Variants in COL25A1 observed in about 807,000 individuals in gnomAD.
COL25A1 encodes collagen type XXV alpha 1 chain.
In COL25A1, 103 loss-of-function variants were observed where a neutral mutation model predicts 128.4. The ratio of observed to expected loss-of-function variants is 0.80; its 90% CI spans 0.68 to 0.94. COL25A1 has a LOEUF of 0.94. Ranked by LOEUF, COL25A1 falls within the 40% of genes least tolerant of loss-of-function variation. The pLI is 0.00. For synonymous variants in COL25A1, 279 were observed against 277.2 expected (o/e 1.01, Z -0.06); for missense variants, 745 against 840.0 (o/e 0.89, Z 1.40).
intron 30 of COL25A1, among the ~76,000 whole-genome samples, chr4:108,844,084 A>G (rs1734786302): frequency 6.6e-6 from 1 of 151,978 alleles, no homozygotes; most frequent in Non-Finnish European, 1.5e-5. Context: ...GTAGAGATGG[A>G]GTTTTGCCAT....
intron 16 of COL25A1, among the ~76,000 whole-genome samples, chr4:108,894,602 T>C (rs1453394565): frequency 6.6e-6 from 1 of 152,238 alleles, no homozygotes; most frequent in Non-Finnish European, 1.5e-5. Context: ...GTATTGTCTA[T>C]GGTTGCTTTC....
chr4:109,291,335 T>A (rs2126285111), intron 3 of COL25A1, among the ~76,000 whole-genome samples: 1 of 152,264 alleles, frequency 6.6e-6, no homozygotes, highest in South Asian at 2.1e-4. Context: ...ATCCTGTTAA[T>A]TCCTAGAGAC....
intron 5 of COL25A1, among the ~76,000 whole-genome samples, chr4:109,015,123 G>T (rs1232201084): frequency 6.6e-6 from 1 of 152,220 alleles, no homozygotes; most frequent in Non-Finnish European, 1.5e-5. Flanking sequence ...GAGCAGGAGA[G>T]TGTCTCAGAA....
intron 13 of COL25A1, among the ~76,000 whole-genome samples, chr4:108,903,730 G>A (rs994829393): frequency 2.0e-5 from 3 of 151,910 alleles, no homozygotes; most frequent in Non-Finnish European, 4.4e-5. Context: ...AAATTTTATA[G>A]GCATTGCTTT....
chr4:108,858,539 A>G (rs1392851393), intron 24 of COL25A1, among the ~76,000 whole-genome samples: 1 of 152,174 alleles, frequency 6.6e-6, no homozygotes, highest in African/African-American at 2.4e-5. Context: ...CCGGTCACTT[A>G]AAAAAGGGAC....
chr4:109,196,107 T>C (rs116766204), intron 3 of COL25A1, among the ~76,000 whole-genome samples: 2 of 152,186 alleles, frequency 1.3e-5, no homozygotes, highest in Non-Finnish European at 2.9e-5. Flanking sequence ...TAATGCAAAG[T>C]TCTCTGTGCG....
intron 3 of COL25A1, among the ~76,000 whole-genome samples, chr4:109,254,505 A>ATATATATGTG (rs1383703429): frequency 0.011 from 1,191 of 104,856 alleles, 30 homozygotes; most frequent in East Asian, 0.027. Flanking sequence ...ATATATATAT[A>ATATATATGTG]TGTATGTGTG....
At chr4:109,288,991 A>C (rs1724181694) in intron 3 of COL25A1, among the ~76,000 whole-genome samples, 1 of 151,728 alleles carries the variant, frequency 6.6e-6, no homozygotes, top group Admixed American at 6.6e-5. Context: ...ACACACACAC[A>C]CACACACACA....
chr4:108,865,614 C>T (rs1428235940), intron 20 of COL25A1, among the ~76,000 whole-genome samples: 1 of 152,172 alleles, frequency 6.6e-6, no homozygotes, highest in East Asian at 1.9e-4. Context: ...TATTAAAAAA[C>T]TGTAAAGTAT....
At chr4:109,288,364 C>G (rs564347510) in intron 3 of COL25A1, among the ~76,000 whole-genome samples, 4 of 152,058 alleles carry the variant, frequency 2.6e-5, no homozygotes, top group Non-Finnish European at 5.9e-5. Context: ...TACACACAGT[C>G]AAAAATATAA....
chr4:109,186,559 A>G (rs1409149707), intron 3 of COL25A1, among the ~76,000 whole-genome samples: 1 of 152,212 alleles, frequency 6.6e-6, no homozygotes, highest in Non-Finnish European at 1.5e-5. Context: ...AGAATGTTCT[A>G]GCAGTTTCAG....
At chr4:108,938,561 C>G (rs1445699046) in intron 10 of COL25A1, among the ~76,000 whole-genome samples, 1 of 152,144 alleles carries the variant, frequency 6.6e-6, no homozygotes, top group Non-Finnish European at 1.5e-5. Context: ...TGCACTACAG[C>G]TTGGGCAACA....
At chr4:108,871,598 G>A (rs1041471262) in intron 19 of COL25A1, among the ~76,000 whole-genome samples, 4 of 152,184 alleles carry the variant, frequency 2.6e-5, no homozygotes, top group Non-Finnish European at 4.4e-5. Flanking sequence ...TTACAGGCGT[G>A]AGCCACCGCA....
chr4:109,084,246 C>T (rs559201166), intron 3 of COL25A1, among the ~76,000 whole-genome samples: 10 of 152,100 alleles, frequency 6.6e-5, no homozygotes, highest in Non-Finnish European at 1.5e-4. Context: ...TTGGATTTCT[C>T]GGTAGACCGT....
At chr4:109,284,250 C>A (rs1469372063) in intron 3 of COL25A1, among the ~76,000 whole-genome samples, 1 of 152,180 alleles carries the variant, frequency 6.6e-6, no homozygotes, top group African/African-American at 2.4e-5. Context: ...CATGGCAAAA[C>A]CCTGTCTCTA....
intron 3 of COL25A1, among the ~76,000 whole-genome samples, chr4:109,272,928 A>G (rs1190932800): frequency 6.6e-6 from 1 of 152,174 alleles, no homozygotes; most frequent in Non-Finnish European, 1.5e-5. Flanking sequence ...GTGTCAAGTG[A>G]GACAGAAAAG....
At chr4:109,140,589 T>G (rs935573359) in intron 3 of COL25A1, among the ~76,000 whole-genome samples, 2 of 152,258 alleles carry the variant, frequency 1.3e-5, no homozygotes, top group Non-Finnish European at 2.9e-5. Flanking sequence ...TCCATTTGTT[T>G]GTGTCCTCTC....
intron 11 of COL25A1, among the ~76,000 whole-genome samples, chr4:108,923,988 G>A (rs1745756717): frequency 1.3e-5 from 2 of 151,994 alleles, no homozygotes. Flanking sequence ...TAATTTCTTT[G>A]CATATATCTC....
intron 11 of COL25A1, among the ~76,000 whole-genome samples, chr4:108,926,096 T>A (rs941998243): frequency 6.6e-6 from 1 of 152,042 alleles, no homozygotes; most frequent in African/African-American, 2.4e-5. Context: ...TGGAAAAAAA[T>A]TAATGAATTT....
Sources: allele counts gnomAD v4.1 joint callset (sites outside exome capture counted in the v4.1 genomes callset), GRCh38; gene constraint gnomAD v4.1.1; transcripts MANE v1.5; gene names NCBI Gene and HGNC (gene_info 2026-07-23, HGNC 2026-07-21).